The following C3orf49 variants were observed in gnomAD, a reference collection of about 807,000 sequenced individuals.
C3orf49 encodes putative uncharacterized protein C3orf49.
A neutral mutation model predicts 13.3 loss-of-function variants in C3orf49; 27 were observed. That is an observed-to-expected ratio of 2.02 (90% CI 1.49 to 2.79). The LOEUF (loss-of-function observed/expected upper bound fraction) is 2.79. Among genes scored for constraint, C3orf49 ranks in the 30% most tolerant of loss-of-function variants. C3orf49 has a pLI of 0.00. For missense variants in C3orf49, 242 were observed against 134.2 expected, an observed-to-expected ratio of 1.80 and a Z score of -3.97; for synonymous variants, 87 against 47.6, an observed-to-expected ratio of 1.83 and a Z score of -3.40.
At chr3:63,826,083 G>T (rs1246494556) in intron 2 of C3orf49, among the ~76,000 whole-genome samples, 2 of 152,200 alleles carry the variant, frequency 1.3e-5, no homozygotes, top group East Asian at 1.9e-4. Flanking sequence ...TCCAGTGGAG[G>T]TTGGAACACA....
chr3:63,807,857 C>CAAAAAAAAAAAAAAAAAAAAAA, the C3orf49 span, among the ~76,000 whole-genome samples: 2 of 32,238 alleles, frequency 6.2e-5, no homozygotes, highest in Admixed American at 4.1e-4. Flanking sequence ...AACTTCATCT[C>CAAAAAAAAAAAAAAAAAAAAAA]AAAAAAAAAA....
the C3orf49 span, among the ~76,000 whole-genome samples, chr3:63,795,981 G>A: frequency 1.3e-5 from 2 of 152,106 alleles, no homozygotes; most frequent in Non-Finnish European, 2.9e-5. Flanking sequence ...AATTTACTTT[G>A]AAGTACACAA....
chr3:63,838,273 G>A (rs908769762), intron 5 of C3orf49: 1 of 988,126 alleles, frequency 1.0e-6, no homozygotes, highest in Non-Finnish European at 1.5e-6. Context: ...TACAGTAATT[G>A]TTATTATTCT....
chr3:63,803,121 G>T, the C3orf49 span, among the ~76,000 whole-genome samples: 2 of 152,286 alleles, frequency 1.3e-5, no homozygotes, highest in Admixed American at 1.3e-4. Context: ...TTTTAAATCT[G>T]TTCTCTTTAC....
chr3:63,789,368 C>A, the C3orf49 span, among the ~76,000 whole-genome samples: 3 of 152,280 alleles, frequency 2.0e-5, no homozygotes, highest in East Asian at 3.9e-4. Context: ...ATCTACAAAA[C>A]CTTGTATAGG....
intron 2 of C3orf49, among the ~76,000 whole-genome samples, chr3:63,824,308 C>T (rs1701439099): frequency 6.6e-6 from 1 of 152,116 alleles, no homozygotes; most frequent in African/African-American, 2.4e-5. Flanking sequence ...CACATGGCTA[C>T]TTCTAACAGT....
rs150718882 is a variant in C3orf49, at chr3:63,841,515, A to C, written c.850-3508A>C. Among the ~76,000 whole-genome samples the C allele has an allele frequency of 4.0e-3, 615 of 152,348 alleles. 4 individuals carry two copies. The highest frequency in any genetic ancestry group is 0.014 in the African/African-American group (568 of 41,590). ...CTGTGTGTAGGCAGAAGTATTTTTG[A>C]GCGCAGGTGCAGCGGAGATAAACTT... On this transcript the variant is annotated intron_variant, in intron 5 of 6. Transcript: ENST00000295896.
At chr3:63,803,750 T>C in the C3orf49 span, among the ~76,000 whole-genome samples, 1 of 152,088 alleles carries the variant, frequency 6.6e-6, no homozygotes, top group Non-Finnish European at 1.5e-5. Flanking sequence ...CAGGGACTGG[T>C]TTCATGGAAG....
chr3:63,818,578 G>T (rs1247589482), upstream of C3orf49, among the ~76,000 whole-genome samples: 1 of 152,192 alleles, frequency 6.6e-6, no homozygotes, highest in Non-Finnish European at 1.5e-5. Flanking sequence ...GTATGCTCCA[G>T]ATTATTGATT....
rs541713576 is a variant in C3orf49, at chr3:63,843,607, A to T, written c.850-1416A>T. Reference sequence around the variant, plus strand: ...GTGTTTACCAACAGATGAATGAATTAAAAAAAATGTGGGCTGGGCGTGGTG... The same window carrying T: ...GTGTTTACCAACAGATGAATGAATTTAAAAAAATGTGGGCTGGGCGTGGTG... On this transcript the variant is annotated intron_variant, in intron 5 of 6. Coordinates refer to ENST00000295896, the MANE Select transcript of C3orf49 (RefSeq NM_001355236.2). 1.3e-4 allele frequency among the ~76,000 whole-genome samples: 20 copies of T among 152,120 alleles called. No homozygotes were observed. In the East Asian group the frequency reaches 3.5e-3, roughly 27 times the overall value.
the C3orf49 span, among the ~76,000 whole-genome samples, chr3:63,801,762 A>G: frequency 6.7e-6 from 1 of 149,182 alleles, no homozygotes; most frequent in East Asian, 1.9e-4. Context: ...CAAGGGGCAC[A>G]GGGAAGAGCA....
At chr3:63,823,658 T>A (rs1182586979) in intron 2 of C3orf49, 89 bp downstream of exon 2, 1 of 614,458 alleles carries the variant, frequency 1.6e-6, no homozygotes, top group African/African-American at 1.8e-5. Flanking sequence ...CAGTATGGCA[T>A]CCCTGAGGAG....
Position 63,830,384 on chromosome 3 carries a change from G to A in C3orf49, c.571-726G>A, listed in dbSNP as rs1306623569. ...AGCTGGGCAAGCTGGCAGGGTAGCA[G>A]TGGTTCAGCAGACTCCATTTGTAAA... On this transcript the variant is annotated intron_variant, in intron 3 of 6. Transcript: ENST00000295896. 2.6e-4 allele frequency among the ~76,000 whole-genome samples: 40 copies of A among 152,232 alleles called. 2 individuals are homozygous for A. The highest frequency in any genetic ancestry group is 2.6e-3 in the Admixed American group (40 of 15,286).
chr3:63,819,942 C>A (rs918145377), intron 1 of C3orf49, among the ~76,000 whole-genome samples: 2 of 152,144 alleles, frequency 1.3e-5, no homozygotes, highest in Non-Finnish European at 2.9e-5. Context: ...TTAGTGCATT[C>A]TTCGAAATAG....
chr3:63,805,733 G>A, the C3orf49 span, among the ~76,000 whole-genome samples: 8 of 152,178 alleles, frequency 5.3e-5, no homozygotes, highest in Non-Finnish European at 1.0e-4. Flanking sequence ...CTTTGACCTG[G>A]AGGGAGAAAA....
chr3:63,835,006 G>T lies in C3orf49; in HGVS notation c.849+3162G>T, dbSNP rs1701600317. ...TTTTCTACATGTATTCAAGAAAGTTGAACATGAGTACCTTCTAACGTCATC... is the reference window on the plus strand; with the variant it reads ...TTTTCTACATGTATTCAAGAAAGTTTAACATGAGTACCTTCTAACGTCATC... On this transcript the variant is annotated intron_variant, in intron 5 of 6. Transcript: ENST00000295896. 7 of 689,354 alleles carry T rather than the reference G, an allele frequency of 1.0e-5. No homozygotes were observed. The South Asian group carries it at 1.8e-4, about 18-fold the overall frequency. The allele number at this position is 689,354 out of a possible 1,614,324, so 42.7% of individuals were successfully genotyped here.
At chr3:63,807,113 G>A in the C3orf49 span, among the ~76,000 whole-genome samples, 25 of 151,804 alleles carry the variant, frequency 1.6e-4, no homozygotes, top group East Asian at 3.9e-4. Flanking sequence ...CACCACGCCC[G>A]GCTAATTTTT....
the C3orf49 span, among the ~76,000 whole-genome samples, chr3:63,788,480 T>A: frequency 0.011 from 1,605 of 152,150 alleles, 20 homozygotes; most frequent in African/African-American, 0.035. Context: ...AGCAACTCAG[T>A]GTCACTGTTT....
At chr3:63,841,854 A>C (rs976256088) in intron 5 of C3orf49, among the ~76,000 whole-genome samples, 1 of 152,174 alleles carries the variant, frequency 6.6e-6, no homozygotes, top group Non-Finnish European at 1.5e-5. Flanking sequence ...CTAGTGGGTG[A>C]ATCTGGTGGC....
Sources: allele counts gnomAD v4.1 joint callset (sites outside exome capture counted in the v4.1 genomes callset), GRCh38; gene constraint gnomAD v4.1.1; transcripts MANE v1.5; gene names NCBI Gene and HGNC (gene_info 2026-07-23, HGNC 2026-07-21).